The following MYH14 variants were observed in gnomAD, a reference collection of about 807,000 sequenced individuals.
MYH14 encodes myosin heavy chain 14.
Under a neutral mutation model 255.5 loss-of-function variants are expected in MYH14, and 123 were observed. The observed-to-expected ratio is 0.48, with a 90% CI of 0.42 to 0.56. The LOEUF is 0.56. Among genes scored for constraint, MYH14 ranks in the 20% least tolerant of loss-of-function variants. MYH14 has a pLI of 0.00. For synonymous variants in MYH14, 1,095 were observed against 1,161.2 expected, an observed-to-expected ratio of 0.94 and a Z score of 1.16; for missense variants, 2,423 against 2,802.3, an observed-to-expected ratio of 0.86 and a Z score of 3.06.
At chr19:50,212,051 G>T (rs1275409910) in intron 2 of MYH14, among the ~76,000 whole-genome samples, 1 of 152,100 alleles carries the variant, frequency 6.6e-6, no homozygotes, top group African/African-American at 2.4e-5. Flanking sequence ...GTTGACTATG[G>T]TAGTCTTCCC....
Position 50,280,353 on chromosome 19 carries a change from G to C in MYH14, c.4260G>C (p.Ala1420=). Residue 1420 remains alanine, a synonymous_variant, in exon 32 of 43, where the codon GCG becomes GCC. Coordinates refer to ENST00000642316, the MANE Select transcript of MYH14 (RefSeq NM_001145809.2). The surrounding 1 kb of genome is among the most constrained non-coding windows in gnomAD (Gnocchi z 4.8). ...AGGAGGCAGCTGCCAGGGAACGGGC[G>C]GGCCGTGAACTGCAGACTGCCCAGG... ...LEEEAAARER[A]GRELQTAQAQ... is the part of the protein sequence containing the mutation. The C allele has an allele frequency of 6.5e-7, 1 of 1,547,302 alleles. No individual in the cohort carries two copies. The highest frequency in any genetic ancestry group is 8.7e-7 in the Non-Finnish European group (1 of 1,145,368).
At chr19:50,243,337 G>A (rs1218977690) in intron 10 of MYH14, among the ~76,000 whole-genome samples, 1 of 152,164 alleles carries the variant, frequency 6.6e-6, no homozygotes, top group Non-Finnish European at 1.5e-5. Context: ...TTGGGAGGGT[G>A]AGGCAGGAGA....
intron 27 of MYH14, 64 bp from the exon 28 acceptor site, chr19:50,275,927 C>A: frequency 7.5e-7 from 1 of 1,341,222 alleles, no homozygotes; most frequent in South Asian, 1.3e-5. Flanking sequence ...CTCTCAGTCC[C>A]CAGAAATCAT....
chr19:50,283,124 A>AC (rs2035780038), intron 33 of MYH14, among the ~76,000 whole-genome samples: 1 of 128,604 alleles, frequency 7.8e-6, no homozygotes, highest in African/African-American at 3.5e-5. Flanking sequence ...TACTCAAAAT[A>AC]ATTTTTTTTT....
chr19:50,233,169 C>G (rs539118382), intron 10 of MYH14, among the ~76,000 whole-genome samples: 1 of 151,944 alleles, frequency 6.6e-6, no homozygotes, highest in African/African-American at 2.4e-5. Flanking sequence ...GTGCCCACCC[C>G]CACTTTTTTT....
In MYH14 at chr19:50,286,558, G is replaced by T. The variant is rs576482145; in HGVS notation, c.4616G>T (p.Arg1539Leu). ...CGGGCCGAGGCAGAGGGCCGGGAGC[G>T]TGAGGCTCGGGCCCTGTCACTGACA... is the stretch of plus-strand genomic sequence containing the variant. ...RERAEAEGRE[R>L]EARALSLTRA... is the part of the protein sequence containing the mutation. The change falls in exon 34 of 43, where the codon CGT (arginine) becomes CTT (leucine). Residue 1539 changes from arginine to leucine, a missense_variant. Coordinates refer to ENST00000642316, the MANE Select transcript of MYH14 (RefSeq NM_001145809.2). 1.3e-5 allele frequency: 21 copies of T among 1,611,946 alleles called. No individual in the cohort carries two copies. The highest frequency in any genetic ancestry group is 1.6e-5 in the Non-Finnish European group (19 of 1,179,236).
intron 39 of MYH14, among the ~76,000 whole-genome samples, chr19:50,295,013 T>G (rs1030423898): frequency 4.1e-4 from 9 of 22,142 alleles, no homozygotes; most frequent in Admixed American, 2.0e-3. Context: ...AAGTTTTTTT[T>G]TTTTTTTTTT....
At chr19:50,262,763 G>A (rs1407371353) in intron 21 of MYH14, among the ~76,000 whole-genome samples, 3 of 152,116 alleles carry the variant, frequency 2.0e-5, no homozygotes, top group African/African-American at 7.2e-5. Context: ...AAGGGAGGGT[G>A]GGGCCTGAAC....
chr19:50,309,575 C>T, intron 42 of MYH14, 65 bp from the exon 43 acceptor site: 1 of 938,696 alleles, frequency 1.1e-6, no homozygotes, highest in Non-Finnish European at 1.6e-6. Context: ...TCTCTCTCCT[C>T]CCCCTTTCTC....
intron 33 of MYH14, chr19:50,285,752 A>T (rs2035869984): frequency 6.6e-6 from 1 of 151,948 alleles, no homozygotes; most frequent in African/African-American, 2.4e-5. Context: ...TACTTTTTTC[A>T]GGTTGTTAAA....
Position 50,292,371 on chromosome 19 carries a change from G to T in MYH14, c.5238G>T (p.Glu1746Asp). 1 of 1,587,760 alleles carries T rather than the reference G, an allele frequency of 6.3e-7. No individual in the cohort carries two copies. The highest frequency in any genetic ancestry group is 2.3e-5 in the East Asian group (1 of 43,444). The stretch of plus-strand genomic sequence containing the variant: ...AGCGCCTCAAGGGCCTGGAGGCTGA[G>T]GTGCTGCGGCTGCAGGAGGTGAGGC... ...SEKRLKGLEA[E>D]VLRLQEELAA... is the part of the protein sequence containing the mutation. Residue 1746 changes from glutamate to aspartate, a missense_variant, in exon 37 of 43, where the codon GAG (glutamate) becomes GAT (aspartate). By Grantham distance (45) the Glu-to-Asp change is conservative (BLOSUM62 2). Around this residue, in one of 3 missense-constraint regions of MYH14, gnomAD observed 1,513 missense variants for 1,674.8 expected, o/e 0.90. Transcript: ENST00000642316.
intron 40 of MYH14, among the ~76,000 whole-genome samples, chr19:50,304,213 G>T (rs2036582964): frequency 6.6e-6 from 1 of 152,196 alleles, no homozygotes; most frequent in Non-Finnish European, 1.5e-5. Flanking sequence ...ATTATCTCAT[G>T]GGGAGGAATG....
Position 50,276,644 on chromosome 19 carries a change from A to T in MYH14, c.3681-113A>T. ...ACCCAGATCTCCTGAGGAGCATAAC[A>T]TGAGGCCCTCATATTTTAAGGAAAC... On this transcript the variant is annotated intron_variant, in intron 28 of 42. Transcript: ENST00000642316. This position sits in a 1 kb window ranked among gnomAD's most constrained non-coding sequence, Gnocchi z 4.3. The T allele has an allele frequency of 1.4e-6, 2 of 1,388,394 alleles. No homozygotes were observed. The highest frequency in any genetic ancestry group is 1.2e-5 in the South Asian group (1 of 83,350). The allele number at this position is 1,388,394 out of a possible 1,614,324, so 86.0% of individuals were successfully genotyped here.
At chr19:50,253,442 C>CAA (rs35465096) in intron 16 of MYH14, among the ~76,000 whole-genome samples, 11 of 118,532 alleles carry the variant, frequency 9.3e-5, no homozygotes, top group South Asian at 2.7e-4. Context: ...GACTCTGTCC[C>CAA]AAAAAAAAAA....
chr19:50,249,809 C>T lies in MYH14; in HGVS notation c.1642C>T (p.Leu548Phe), dbSNP rs766155588. 3.7e-6 allele frequency: 6 copies of T among 1,614,212 alleles called. No individual in the cohort carries two copies. The highest frequency in any genetic ancestry group is 5.1e-6 in the Non-Finnish European group (6 of 1,180,034). Residue 548 changes from leucine (L) to phenylalanine (F), a missense_variant, in exon 14 of 43, where the codon CTC (leucine) becomes TTC (phenylalanine). Around this residue, in one of 3 missense-constraint regions of MYH14, gnomAD observed 672 missense variants for 881.8 expected, o/e 0.76. Transcript: ENST00000642316. ...FGLDLQPCID[L>F]IERPANPPGL... ...CCTCGACCTGCAGCCCTGCATCGAC[C>T]TCATCGAGCGGCCGGTGAGCCCCAG...
chr19:50,203,923 G>A (rs1479286006), intron 1 of MYH14, among the ~76,000 whole-genome samples: 1 of 152,190 alleles, frequency 6.6e-6, no homozygotes, highest in African/African-American at 2.4e-5. Context: ...CTCGTTGTCA[G>A]CCCCGGGCCT....
At position 50,292,270 on chromosome 19, in the gene MYH14, A is replaced by C. The variant is rs776452962; in HGVS notation, c.5137A>C (p.Lys1713Gln). ...KQLRKMQAQM[K>Q]ELWREVEETR... ...ATTCCGTTCCACCCAGGCCCAGATG[A>C]AGGAGCTATGGCGGGAGGTGGAGGA... Residue 1713 changes from lysine to glutamine, a missense_variant, in exon 37 of 43, where the codon AAG becomes CAG. Transcript: ENST00000642316. 6.2e-7 allele frequency: 1 copy of C among 1,605,198 alleles called. No individual in the cohort carries two copies. Among genetic ancestry groups the C allele is most frequent in the South Asian group, 1.1e-5 (1 of 88,556 alleles).
At chr19:50,211,422 G>C (rs118158039) in intron 2 of MYH14, among the ~76,000 whole-genome samples, 2,783 of 152,324 alleles carry the variant, frequency 0.018, 42 homozygotes, top group Middle Eastern at 0.031. Flanking sequence ...AGGAAAGATA[G>C]AGTCTATTAT....
At chr19:50,247,234 C>T in intron 12 of MYH14, 112 bp downstream of exon 12, 1 of 736,280 alleles carries the variant, frequency 1.4e-6, no homozygotes, top group East Asian at 2.7e-5. Context: ...TGCTGAGTGC[C>T]CGCTCCGTTA....
Sources: allele counts gnomAD v4.1 joint callset (sites outside exome capture counted in the v4.1 genomes callset), GRCh38; gene constraint gnomAD v4.1.1; regional missense constraint gnomAD v4.1.1; non-coding constraint Gnocchi (gnomAD v3.1); transcripts MANE v1.5; gene names NCBI Gene and HGNC (gene_info 2026-07-23, HGNC 2026-07-21).